Variants in MIOS observed in about 807,000 individuals in gnomAD.
MIOS encodes the protein GATOR2 complex protein MIOS.
In MIOS, 52 loss-of-function variants were observed where a neutral mutation model predicts 96.9. The ratio of observed to expected loss-of-function variants is 0.54; its 90% CI spans 0.43 to 0.68. The LOEUF (loss-of-function observed/expected upper bound fraction) is 0.68, where lower values mean the gene tolerates loss of function less well. Among genes scored for constraint, MIOS ranks in the 30% least tolerant of loss-of-function variants. MIOS has a pLI of 0.00. For missense variants in MIOS, 1,005 were observed against 1,052.8 expected, an observed-to-expected ratio of 0.95 and a Z score of 0.63; for synonymous variants, 397 against 359.5, an observed-to-expected ratio of 1.10 and a Z score of -1.18.
At chr7:7,576,665 A>G (rs762382708) in intron 5 of MIOS, among the ~76,000 whole-genome samples, 26 of 152,196 alleles carry the variant, frequency 1.7e-4, no homozygotes, top group Non-Finnish European at 3.1e-4. Flanking sequence ...ATTTAGGGAG[A>G]TTCATCTTGT....
At chr7:7,606,886 G>C in intron 12 of MIOS, 110 bp from the exon 13 acceptor site, 2 of 837,546 alleles carry the variant, frequency 2.4e-6, no homozygotes, top group Non-Finnish European at 3.7e-6. Context: ...AAAAGTGTGC[G>C]TACAGCCTGG....
At chr7:7,578,395 A>T (rs999956153) in intron 5 of MIOS, among the ~76,000 whole-genome samples, 5 of 152,202 alleles carry the variant, frequency 3.3e-5, no homozygotes, top group Middle Eastern at 3.2e-3. Context: ...CTTAAAGAGT[A>T]AACTCTACAG....
intron 5 of MIOS, among the ~76,000 whole-genome samples, chr7:7,578,483 C>A (rs749755552): frequency 6.6e-6 from 1 of 152,026 alleles, no homozygotes; most frequent in Non-Finnish European, 1.5e-5. Flanking sequence ...TACATAGAGA[C>A]CCTGTCTCTC....
intron 5 of MIOS, among the ~76,000 whole-genome samples, chr7:7,578,963 G>A (rs536215461): frequency 1.3e-5 from 2 of 152,162 alleles, no homozygotes; most frequent in South Asian, 2.1e-4. Context: ...TGCCTGCCTC[G>A]GGCTCCCAAA....
At position 7,573,332 on chromosome 7, in the gene MIOS, T is replaced by G; in HGVS notation, c.857T>G (p.Leu286Ter). The G allele has an allele frequency of 1.2e-6, 2 of 1,614,088 alleles. No individual in the cohort carries two copies. Among genetic ancestry groups the G allele is most frequent in the Non-Finnish European group, 1.7e-6 (2 of 1,179,960 alleles). Residue 286 changes from leucine (L) to a stop codon, truncating the protein, a stop_gained, in exon 4 of 13, where the codon TTA (leucine) becomes TGA (stop). Coordinates refer to ENST00000340080, the MANE Select transcript of MIOS (RefSeq NM_019005.4). LOFTEE classifies it high-confidence loss of function. This position sits in a 1 kb window ranked among gnomAD's most constrained non-coding sequence, Gnocchi z 5.0. ...CPTRTGLLATLTRDSNIIRLY... is the reference protein window; with the variant it reads ...CPTRTGLLAT The stretch of plus-strand genomic sequence containing the variant: ...ACTAGGACTGGTCTACTTGCCACTT[T>G]AACAAGGGATAGTAATATTATTAGA...
At chr7:7,582,638 G>A in intron 5 of MIOS, 1 of 979,300 alleles carries the variant, frequency 1.0e-6, no homozygotes, top group Non-Finnish European at 1.2e-6. Context: ...AGAGAAAGAA[G>A]GAAGAAAGCA....
intron 11 of MIOS, among the ~76,000 whole-genome samples, chr7:7,604,644 A>G (rs1563049160): frequency 6.6e-6 from 1 of 152,218 alleles, no homozygotes; most frequent in Admixed American, 6.5e-5. Context: ...AGTTTCGCCT[A>G]AAGTGTTCTG....
At chr7:7,584,422 T>C (rs1272456440) in intron 6 of MIOS, among the ~76,000 whole-genome samples, 3 of 152,134 alleles carry the variant, frequency 2.0e-5, no homozygotes, top group African/African-American at 4.8e-5. Context: ...ATACTAACAA[T>C]AGGGAAAATG....
At chr7:7,605,008 C>T (rs1027762732) in intron 11 of MIOS, 1 of 152,172 alleles carries the variant, frequency 6.6e-6, no homozygotes, top group Non-Finnish European at 1.5e-5. Context: ...ATTACTTACA[C>T]ATCCTTTCAC....
Position 7,596,481 on chromosome 7 carries a change from A to C in MIOS, c.2401+20A>C. On this transcript the variant is annotated intron_variant, in intron 11 of 12. Coordinates refer to ENST00000340080, the MANE Select transcript of MIOS (RefSeq NM_019005.4). ...GTCCTGGTATGACATAATTTTACAAAATACTTTTATGAACTGAAATGATTC... is the reference window on the plus strand; with the variant it reads ...GTCCTGGTATGACATAATTTTACAACATACTTTTATGAACTGAAATGATTC... The C allele has an allele frequency of 6.3e-7, 1 of 1,594,172 alleles. No individual in the cohort carries two copies. Among genetic ancestry groups the C allele is most frequent in the East Asian group, 2.2e-5 (1 of 44,774 alleles).
chr7:7,578,731 C>T (rs1783616216), intron 5 of MIOS, among the ~76,000 whole-genome samples: 1 of 150,676 alleles, frequency 6.6e-6, no homozygotes. Context: ...TTTTTGGAGA[C>T]AGAGTCTCTC....
chr7:7,574,597 T>C (rs1332487653), intron 5 of MIOS, among the ~76,000 whole-genome samples: 1 of 152,130 alleles, frequency 6.6e-6, no homozygotes, highest in East Asian at 1.9e-4. Context: ...TTTATTTTGC[T>C]CCTCAAATAC....
intron 8 of MIOS, among the ~76,000 whole-genome samples, chr7:7,588,794 T>G (rs1783964265): frequency 6.6e-6 from 1 of 152,164 alleles, no homozygotes; most frequent in Non-Finnish European, 1.5e-5. Context: ...AGGGTAAGAT[T>G]AGTTAGTAGG....
chr7:7,602,657 A>G (rs904448560), intron 11 of MIOS, among the ~76,000 whole-genome samples: 1 of 152,212 alleles, frequency 6.6e-6, no homozygotes, highest in African/African-American at 2.4e-5. Context: ...GCCCAAGGTA[A>G]TTTATAGATT....
intron 5 of MIOS, among the ~76,000 whole-genome samples, chr7:7,574,430 A>G (rs1783461372): frequency 6.6e-6 from 1 of 152,110 alleles, no homozygotes; most frequent in African/African-American, 2.4e-5. Context: ...ATCTTCTTAA[A>G]TCTATCCACA....
chr7:7,603,654 C>T (rs372358794), intron 11 of MIOS, among the ~76,000 whole-genome samples: 26 of 152,080 alleles, frequency 1.7e-4, no homozygotes, highest in South Asian at 1.0e-3. Flanking sequence ...GTCAGTGTGG[C>T]GATTCCTCAG....
intron 5 of MIOS, among the ~76,000 whole-genome samples, chr7:7,575,314 T>C (rs1783493478): frequency 1.3e-5 from 2 of 152,140 alleles, no homozygotes; most frequent in South Asian, 4.1e-4. Flanking sequence ...TACATTATAG[T>C]GTTTTTTTAA....
chr7:7,584,342 C>G (rs1269843792), intron 6 of MIOS, among the ~76,000 whole-genome samples: 1 of 152,044 alleles, frequency 6.6e-6, no homozygotes, highest in African/African-American at 2.4e-5. Context: ...TATAATTTTG[C>G]TATAACTTGA....
intron 5 of MIOS, among the ~76,000 whole-genome samples, chr7:7,578,954 G>A (rs1001716780): frequency 6.6e-6 from 1 of 152,036 alleles, no homozygotes; most frequent in Admixed American, 6.5e-5. Context: ...CAAGTGATCT[G>A]CCTGCCTCGG....
Sources: gnomAD v4.1 joint callset for allele counts (sites outside exome capture counted in the v4.1 genomes callset) on GRCh38, gnomAD v4.1.1 for gene constraint, Gnocchi (gnomAD v3.1) non-coding constraint, MANE v1.5 for transcripts, NCBI Gene and HGNC (gene_info 2026-07-23, HGNC 2026-07-21) for gene names.